The following TENM3 variants were observed in gnomAD, a reference collection of about 807,000 sequenced individuals.
The protein encoded by TENM3 is teneurin transmembrane protein 3, also known as teneurin-3.
TENM3 carries 63 observed loss-of-function variants against 255.1 expected under a neutral mutation model. The ratio of observed to expected loss-of-function variants is 0.25; its 90% CI spans 0.20 to 0.30. The LOEUF (loss-of-function observed/expected upper bound fraction) is 0.30. TENM3 is among the 10% of genes least tolerant of loss of function. The pLI, the probability that TENM3 is intolerant of heterozygous loss-of-function variation, is 1.00. For synonymous variants in TENM3, 1,306 were observed against 1,322.3 expected (o/e 0.99, Z 0.27); for missense variants, 2,929 against 3,461.1 (o/e 0.85, Z 3.86).
At chr4:181,727,304 T>G in the TENM3 span, among the ~76,000 whole-genome samples, 8,264 of 152,238 alleles carry the variant, frequency 0.054, 294 homozygotes, top group South Asian at 0.082. Context: ...TAACATAGGC[T>G]CAGGTGTGCT....
the TENM3 span, among the ~76,000 whole-genome samples, chr4:182,114,377 C>T: frequency 0.14 from 21,830 of 151,634 alleles, 1,860 homozygotes; most frequent in Non-Finnish European, 0.19. Context: ...ATAATCCCCT[C>T]GCTTTTTCTC....
At chr4:182,102,031 T>C in the TENM3 span, among the ~76,000 whole-genome samples, 14 of 152,330 alleles carry the variant, frequency 9.2e-5, no homozygotes, top group South Asian at 2.9e-3. Context: ...GCTGCAAGTC[T>C]CCTAGGGTCC....
At chr4:181,966,902 C>T in the TENM3 span, among the ~76,000 whole-genome samples, 2 of 152,040 alleles carry the variant, frequency 1.3e-5, no homozygotes, top group Non-Finnish European at 2.9e-5. Context: ...ACACAGCTAG[C>T]GTTCTCTAGC....
At chr4:182,054,574 C>T in the TENM3 span, among the ~76,000 whole-genome samples, 2 of 152,010 alleles carry the variant, frequency 1.3e-5, 1 homozygote, top group African/African-American at 4.8e-5. Context: ...ACAAATTGTA[C>T]ATTTAAAAAT....
chr4:182,368,859 G>C (rs939429454), intron 3 of TENM3, among the ~76,000 whole-genome samples: 1 of 152,210 alleles, frequency 6.6e-6, no homozygotes, highest in Non-Finnish European at 1.5e-5. Context: ...AGAAGCATCA[G>C]AGAGGAGAGA....
chr4:181,865,005 A>G, the TENM3 span, among the ~76,000 whole-genome samples: 5 of 152,214 alleles, frequency 3.3e-5, no homozygotes, highest in African/African-American at 9.6e-5. Context: ...AAAGTAATAC[A>G]AAGTGTGTTC....
intron 2 of TENM3, among the ~76,000 whole-genome samples, chr4:182,332,566 C>A (rs552207638): frequency 4.0e-5 from 6 of 151,868 alleles, no homozygotes; most frequent in Non-Finnish European, 7.4e-5. Flanking sequence ...TGGTGGTGGG[C>A]GCCTGTAATC....
intron 1 of TENM3, among the ~76,000 whole-genome samples, chr4:182,284,953 C>G (rs897869779): frequency 6.6e-6 from 1 of 151,994 alleles, no homozygotes; most frequent in Non-Finnish European, 1.5e-5. Flanking sequence ...TGTTTGATAC[C>G]TTTTTGGGAA....
the TENM3 span, among the ~76,000 whole-genome samples, chr4:181,890,328 T>C: frequency 2.6e-5 from 4 of 152,204 alleles, no homozygotes; most frequent in Non-Finnish European, 5.9e-5. Flanking sequence ...TGATACAGGT[T>C]ACCCGATGGC....
the TENM3 span, among the ~76,000 whole-genome samples, chr4:182,091,981 C>T: frequency 6.6e-5 from 10 of 152,272 alleles, 1 homozygote; most frequent in African/African-American, 2.2e-4. Flanking sequence ...TAGCTGTGCA[C>T]CAGTCCTGTG....
intron 3 of TENM3, among the ~76,000 whole-genome samples, chr4:182,542,908 G>A (rs537820865): frequency 3.9e-5 from 6 of 152,228 alleles, no homozygotes; most frequent in African/African-American, 1.2e-4. Context: ...AACAATTCTC[G>A]TGGTAGATGT....
chr4:181,920,110 C>A, the TENM3 span, among the ~76,000 whole-genome samples: 4 of 152,014 alleles, frequency 2.6e-5, no homozygotes, highest in African/African-American at 9.7e-5. Context: ...ATATGTGCCA[C>A]ATTTTCTTAA....
At chr4:182,037,680 T>C in the TENM3 span, among the ~76,000 whole-genome samples, 7 of 152,178 alleles carry the variant, frequency 4.6e-5, no homozygotes, top group Admixed American at 4.6e-4. Context: ...TTTTCATACA[T>C]TTTTTCCTAT....
At chr4:182,575,200 C>T (rs1016297982) in intron 3 of TENM3, among the ~76,000 whole-genome samples, 4 of 152,136 alleles carry the variant, frequency 2.6e-5, no homozygotes, top group African/African-American at 9.7e-5. Flanking sequence ...TGGTATTTTA[C>T]AAGATGTTAC....
chr4:181,603,134 C>G, the TENM3 span, among the ~76,000 whole-genome samples: 1 of 152,118 alleles, frequency 6.6e-6, no homozygotes, highest in Non-Finnish European at 1.5e-5. Context: ...TGAAGAGGCT[C>G]TTAATGACAA....
intron 3 of TENM3, chr4:182,548,686 C>G (rs1741700877): frequency 6.6e-6 from 1 of 152,216 alleles, no homozygotes; most frequent in Admixed American, 6.5e-5. Context: ...TGGCTAAGAT[C>G]AAGTGTAGTG....
the TENM3 span, among the ~76,000 whole-genome samples, chr4:181,886,619 T>C: frequency 6.6e-6 from 1 of 152,318 alleles, no homozygotes; most frequent in South Asian, 2.1e-4. Flanking sequence ...GTATTTTACA[T>C]ATGCACATGC....
At chr4:181,907,561 A>G in the TENM3 span, among the ~76,000 whole-genome samples, 1 of 152,134 alleles carries the variant, frequency 6.6e-6, no homozygotes. Flanking sequence ...TGTGCTGGGT[A>G]TTACAGTGAA....
chr4:182,462,690 C>T (rs903181062), intron 3 of TENM3, among the ~76,000 whole-genome samples: 5 of 151,806 alleles, frequency 3.3e-5, no homozygotes, highest in African/African-American at 9.7e-5. Context: ...AGTTGGCGAC[C>T]AGGCTGGCCA....
Sources: allele counts gnomAD v4.1 joint callset (sites outside exome capture counted in the v4.1 genomes callset), GRCh38; gene constraint gnomAD v4.1.1; transcripts MANE v1.5; gene names NCBI Gene and HGNC (gene_info 2026-07-23, HGNC 2026-07-21).